Variants in FAF1 observed in about 807,000 individuals in gnomAD.
FAF1 encodes the protein Fas associated factor 1.
In FAF1, 25 loss-of-function variants were observed where a neutral mutation model predicts 92.5. The ratio of observed to expected loss-of-function variants is 0.27; its 90% confidence interval spans 0.20 to 0.38. The LOEUF (loss-of-function observed/expected upper bound fraction) is 0.38, where lower values mean the gene tolerates loss of function less well. Among genes scored for constraint, FAF1 ranks in the 10% least tolerant of loss-of-function variants. FAF1 has a pLI of 1.00. For missense variants in FAF1, 636 were observed against 793.3 expected (o/e 0.80, Z 2.38); for synonymous variants, 234 against 273.2 (o/e 0.86, Z 1.42).
intron 8 of FAF1, among the ~76,000 whole-genome samples, chr1:50,625,027 G>A (rs1317719545): frequency 2.7e-5 from 4 of 150,472 alleles, no homozygotes; most frequent in South Asian, 2.1e-4. Context: ...TCAGCCTCCC[G>A]AGTAGCTGGG....
At chr1:50,661,765 T>A (rs1655388644) in intron 7 of FAF1, among the ~76,000 whole-genome samples, 2 of 152,186 alleles carry the variant, frequency 1.3e-5, no homozygotes, top group African/African-American at 4.8e-5. Flanking sequence ...TCACTGGCAC[T>A]CTGAAAGGCT....
chr1:50,490,532 T>G, intron 17 of FAF1, 56 bp downstream of exon 17: 1 of 452,546 alleles, frequency 2.2e-6, no homozygotes, highest in South Asian at 2.7e-5. Context: ...GGTTAACAGC[T>G]TCAGTATCAA....
chr1:50,919,857 A>C (rs1342831214), intron 1 of FAF1, among the ~76,000 whole-genome samples: 1 of 152,190 alleles, frequency 6.6e-6, no homozygotes, highest in African/African-American at 2.4e-5. Flanking sequence ...TGTATGTTGT[A>C]ATCTCTAGAA....
chr1:50,621,592 G>A (rs914526875), intron 8 of FAF1, among the ~76,000 whole-genome samples: 1 of 151,410 alleles, frequency 6.6e-6, no homozygotes, highest in Non-Finnish European at 1.5e-5. Flanking sequence ...TAGAGACAGG[G>A]TTTCACCATG....
intron 1 of FAF1, among the ~76,000 whole-genome samples, chr1:50,892,361 T>C (rs1644726985): frequency 6.6e-6 from 1 of 152,236 alleles, no homozygotes; most frequent in South Asian, 2.1e-4. Flanking sequence ...CTGCACCCAC[T>C]GTCCGACAAG....
In FAF1 at chr1:50,589,107, T is replaced by C. The variant is rs560664088; in HGVS notation, c.841-4296A>G. Among the ~76,000 whole-genome samples, 22 of 152,288 alleles carry C rather than the reference T, an allele frequency of 1.4e-4. 1 individual carries two copies. The highest frequency in any genetic ancestry group is 1.4e-3 in the Admixed American group (22 of 15,298). On this transcript the variant is annotated intron_variant, in intron 9 of 18. Transcript: ENST00000396153. ...GCCAAGGGGCAAGATCACCTACTTA[T>C]AGACATAAAACTGTGACAGCCAGGG...
intron 18 of FAF1, among the ~76,000 whole-genome samples, chr1:50,472,425 A>C (rs913389274): frequency 5.3e-5 from 7 of 132,682 alleles, no homozygotes; most frequent in African/African-American, 1.1e-4. Flanking sequence ...ACACACACAA[A>C]CCCCAAAACC....
chr1:50,673,257 A>C (rs1453285383), intron 7 of FAF1, among the ~76,000 whole-genome samples: 1 of 142,532 alleles, frequency 7.0e-6, no homozygotes, highest in African/African-American at 2.7e-5. Flanking sequence ...ACTCTGTCTC[A>C]AAAAAAAAAA....
At chr1:50,786,593 T>G (rs1451862490) in intron 4 of FAF1, among the ~76,000 whole-genome samples, 1 of 152,234 alleles carries the variant, frequency 6.6e-6, no homozygotes, top group African/African-American at 2.4e-5. Flanking sequence ...TACCAAAATT[T>G]TTTTAAATAA....
At chr1:50,710,202 A>G (rs1657861783) in intron 6 of FAF1, among the ~76,000 whole-genome samples, 2 of 152,266 alleles carry the variant, frequency 1.3e-5, no homozygotes, top group South Asian at 4.2e-4. Context: ...CCTTTATGCA[A>G]TTCCTTAGAT....
chr1:50,822,032 T>C (rs1557544801), intron 2 of FAF1, among the ~76,000 whole-genome samples: 3 of 151,928 alleles, frequency 2.0e-5, no homozygotes, highest in East Asian at 3.9e-4. Flanking sequence ...AATTTCTTTT[T>C]ATTAACCCTG....
chr1:50,740,893 T>G (rs1659360412), intron 5 of FAF1, among the ~76,000 whole-genome samples: 1 of 152,198 alleles, frequency 6.6e-6, no homozygotes, highest in Non-Finnish European at 1.5e-5. Flanking sequence ...TTTTACTTTG[T>G]GAATTATTGG....
At chr1:50,957,527 ATT>A (rs756974315) in intron 1 of FAF1, among the ~76,000 whole-genome samples, 1 of 150,916 alleles carries the variant, frequency 6.6e-6, no homozygotes, top group Non-Finnish European at 1.5e-5. Context: ...AATTTTTTGT[ATT>A]TTTTTAGTAG....
intron 2 of FAF1, among the ~76,000 whole-genome samples, chr1:50,813,290 A>G (rs998903123): frequency 2.6e-5 from 4 of 152,202 alleles, no homozygotes; most frequent in African/African-American, 9.6e-5. Context: ...ACTTATACAT[A>G]CTTATTGCAG....
At chr1:50,672,071 A>G (rs1655913704) in intron 7 of FAF1, among the ~76,000 whole-genome samples, 1 of 145,870 alleles carries the variant, frequency 6.9e-6, no homozygotes, top group Non-Finnish European at 1.5e-5. Flanking sequence ...TTTGAGACGG[A>G]GTCTTGCTCT....
intron 2 of FAF1, among the ~76,000 whole-genome samples, chr1:50,810,968 C>A (rs1055516173): frequency 6.6e-6 from 1 of 152,074 alleles, no homozygotes; most frequent in Non-Finnish European, 1.5e-5. Flanking sequence ...TCGCTTAAGC[C>A]TGGATGGCAG....
In FAF1 at chr1:50,865,477, G is replaced by A. The variant is rs1300908345; in HGVS notation, c.46-7480C>T. ...TGATAGACTGGATTAAGAAAATGTG[G>A]CACATATACACCGTGGAATACTATG... is the stretch of plus-strand genomic sequence containing the variant. On this transcript the variant is annotated intron_variant, in intron 1 of 18. Coordinates refer to ENST00000396153, the MANE Select transcript of FAF1 (RefSeq NM_007051.3). Among the ~76,000 whole-genome samples, 1,165 of 146,060 alleles carry A rather than the reference G, an allele frequency of 8.0e-3. 15 individuals carry two copies. The highest frequency in any genetic ancestry group is 0.029 in the African/African-American group (1,123 of 39,306).
At chr1:50,749,805 A>AT (rs1229206990) in intron 4 of FAF1, among the ~76,000 whole-genome samples, 1 of 151,802 alleles carries the variant, frequency 6.6e-6, no homozygotes, top group Admixed American at 6.6e-5. Flanking sequence ...AAAAAAAAAA[A>AT]CACGATTCTC....
At chr1:50,952,435 A>G (rs945111434) in intron 1 of FAF1, among the ~76,000 whole-genome samples, 3 of 152,172 alleles carry the variant, frequency 2.0e-5, no homozygotes, top group African/African-American at 7.2e-5. Flanking sequence ...GCTGGAGTGC[A>G]GTGGCGTGAT....
Sources: allele counts gnomAD v4.1 joint callset (sites outside exome capture counted in the v4.1 genomes callset), GRCh38; gene constraint gnomAD v4.1.1; transcripts MANE v1.5; gene names NCBI Gene and HGNC (gene_info 2026-07-23, HGNC 2026-07-21).